Variants in IQSEC2 observed in about 807,000 individuals in gnomAD.
IQSEC2 encodes the protein IQ motif and Sec7 domain ArfGEF 2, also known as IQ motif and SEC7 domain-containing protein 2.
A neutral mutation model predicts 74.6 loss-of-function variants in IQSEC2; 6 were observed. That is an observed-to-expected ratio of 0.08 (90% CI 0.04 to 0.16). The LOEUF (loss-of-function observed/expected upper bound fraction) is 0.16. IQSEC2 is among the 10% of genes least tolerant of loss of function. The pLI is 1.00. For missense variants in IQSEC2, 734 were observed against 1,306.2 expected (o/e 0.56, Z 6.75); for synonymous variants, 494 against 544.5 (o/e 0.91, Z 1.29).
At chrX:53,303,693 C>G (rs2075233279) in intron 1 of IQSEC2, among the ~76,000 whole-genome samples, 1 of 108,779 alleles carries the variant, frequency 9.2e-6, no homozygotes, top group South Asian at 4.0e-4. Context: ...CCCAGCTATT[C>G]AGGAGGCTGA....
intron 12 of IQSEC2, 145 bp downstream of exon 12, chrX:53,238,000 G>T: frequency 1.5e-6 from 1 of 661,638 alleles, no homozygotes; most frequent in Non-Finnish European, 2.4e-6. Context: ...AGGTATTCAA[G>T]CAGAGGCTGA....
Position 53,313,537 on chromosome X carries a change from C to T in IQSEC2, c.707+6880G>A, listed in dbSNP as rs188997014. On this transcript the variant is annotated intron_variant, in intron 1 of 14. Coordinates refer to ENST00000642864, the MANE Select transcript of IQSEC2 (RefSeq NM_001111125.3). ...AACTGGCAAATTATGTTGCCCTAAA[C>T]GAGCTTCCCCAAAAGAGGAAGTAAG... 2.0e-4 allele frequency among the ~76,000 whole-genome samples: 22 copies of T among 111,683 alleles called. No individual in the cohort carries two copies. The East Asian group carries it at 5.6e-3, about 29-fold the overall frequency.
In IQSEC2 at chrX:53,234,094, T is replaced by C. The variant is rs781885204; in HGVS notation, c.*125A>G. 8.3e-5 allele frequency: 26 copies of C among 312,471 alleles called. No homozygotes were observed. Among genetic ancestry groups the C allele is most frequent in the Non-Finnish European group, 1.2e-4 (21 of 175,756 alleles). 25.8% of individuals were successfully genotyped at this position (312,471 alleles called of 1,213,427 possible). A position where few individuals can be genotyped will look rare whatever the true frequency, so the allele number is the denominator to read the frequency against. ...GACGGGTCCCAAGGCAGGGAGGACA[T>C]GGGGAGGAGGACATTGCTATGTGTA... On this transcript the variant is annotated 3_prime_UTR_variant, in exon 15 of 15. Coordinates refer to ENST00000642864, the MANE Select transcript of IQSEC2 (RefSeq NM_001111125.3).
At chrX:53,293,525 C>T (rs1171918777) in intron 1 of IQSEC2, among the ~76,000 whole-genome samples, 3 of 111,987 alleles carry the variant, frequency 2.7e-5, no homozygotes, top group African/African-American at 9.7e-5. Context: ...GAGGCCTGGC[C>T]CAATTATTCT....
At chrX:53,291,257 TC>T (rs1556872979) in intron 2 of IQSEC2, among the ~76,000 whole-genome samples, 1 of 111,369 alleles carries the variant, frequency 9.0e-6, no homozygotes, top group East Asian at 2.8e-4. Flanking sequence ...TACTCCTGCC[TC>T]CCCAACTGGC....
chrX:53,260,981 C>T (rs1162986724), intron 2 of IQSEC2, among the ~76,000 whole-genome samples: 1 of 111,223 alleles, frequency 9.0e-6, no homozygotes, highest in African/African-American at 3.3e-5. Context: ...CAATTCCTCC[C>T]TTGAGAGCTC....
chrX:53,303,358 T>A (rs1403352809), intron 1 of IQSEC2, among the ~76,000 whole-genome samples: 1 of 111,302 alleles, frequency 9.0e-6, no homozygotes, highest in African/African-American at 3.3e-5. Context: ...TGAGTGGAGC[T>A]GTAGCCTTAC....
chrX:53,241,239 G>T (rs1430412846), intron 10 of IQSEC2, among the ~76,000 whole-genome samples: 1 of 110,916 alleles, frequency 9.0e-6, no homozygotes, highest in African/African-American at 3.3e-5. Context: ...CCAAGTAGCT[G>T]GGACTACAGG....
chrX:53,259,645 A>T (rs1220113416), intron 2 of IQSEC2, among the ~76,000 whole-genome samples: 3 of 110,606 alleles, frequency 2.7e-5, no homozygotes, highest in Non-Finnish European at 5.7e-5. Context: ...TACAGAAAAT[A>T]AAAAATTAGC....
chrX:53,230,068 C>T (rs1203452010), downstream of IQSEC2: 2 of 112,743 alleles, frequency 1.8e-5, no homozygotes, highest in Non-Finnish European at 3.8e-5. Context: ...TACGGTGCCA[C>T]TAACACATTG....
chrX:53,266,314 A>G, intron 2 of IQSEC2: 1 of 721,357 alleles, frequency 1.4e-6, no homozygotes, highest in Non-Finnish European at 1.6e-6. Context: ...GGTGGAATAT[A>G]CATCAGACAG....
chrX:53,243,175 A>G (rs1556861265), intron 9 of IQSEC2, among the ~76,000 whole-genome samples, 157 bp downstream of exon 9: 1 of 112,062 alleles, frequency 8.9e-6, no homozygotes, highest in Non-Finnish European at 1.9e-5. Context: ...TGCTCGATGC[A>G]TTCACTCTGC....
intron 2 of IQSEC2, among the ~76,000 whole-genome samples, chrX:53,264,709 C>G (rs189189601): frequency 4.6e-5 from 5 of 109,251 alleles, no homozygotes; most frequent in Non-Finnish European, 7.6e-5. Flanking sequence ...TCTTGCACCT[C>G]TTCCTCCAGC....
intron 1 of IQSEC2, among the ~76,000 whole-genome samples, chrX:53,311,013 G>A (rs1157098908): frequency 9.7e-6 from 1 of 103,283 alleles, no homozygotes. Flanking sequence ...CCAGCTACTC[G>A]GGAGGCTGAG....
chrX:53,282,400 C>T (rs1556871050), intron 2 of IQSEC2, among the ~76,000 whole-genome samples: 2 of 112,648 alleles, frequency 1.8e-5, no homozygotes, highest in Non-Finnish European at 3.8e-5. Flanking sequence ...TCCACATGGG[C>T]GGGACTGGAG....
chrX:53,250,676 G>T lies in IQSEC2; in HGVS notation c.1900C>A (p.His634Asn). 8.3e-7 allele frequency: 1 copy of T among 1,210,934 alleles called. No individual in the cohort carries two copies. Among genetic ancestry groups the T allele is most frequent in the South Asian group, 1.8e-5 (1 of 57,002 alleles). ...DGCSPHGTLK[H>N]KGPPGRAPIP... The stretch of plus-strand genomic sequence containing the variant: ...GGGGCCCTGCCTGGTGGCCCCTTGT[G>T]CTTCAGGGTCCCATGGGGGCTGCAG... Residue 634 changes from histidine (H) to asparagine (N), a missense_variant, in exon 5 of 15, where the codon CAC becomes AAC. His to Asn is a moderately conservative substitution (Grantham distance 68). Transcript: ENST00000642864.
At chrX:53,248,903 G>A (rs781963551) in intron 5 of IQSEC2, 21 bp from the exon 6 acceptor site, 1 of 1,199,074 alleles carries the variant, frequency 8.3e-7, no homozygotes, top group Admixed American at 2.2e-5. Flanking sequence ...AGGAGAGGTA[G>A]ATGAGATGAC....
chrX:53,311,547 C>G (rs1281323243), intron 1 of IQSEC2, among the ~76,000 whole-genome samples: 2 of 111,395 alleles, frequency 1.8e-5, no homozygotes, highest in African/African-American at 6.5e-5. Flanking sequence ...CCAAACTGCC[C>G]TCTAGGGGGA....
downstream of IQSEC2, among the ~76,000 whole-genome samples, chrX:53,228,645 A>G (rs782559210): frequency 5.0e-4 from 56 of 111,692 alleles, no homozygotes; most frequent in African/African-American, 1.8e-3. Context: ...GTAAAATATG[A>G]TCTCTTCCAG....
Sources: allele counts gnomAD v4.1 joint callset (sites outside exome capture counted in the v4.1 genomes callset), GRCh38; gene constraint gnomAD v4.1.1; transcripts MANE v1.5; gene names NCBI Gene and HGNC (gene_info 2026-07-23, HGNC 2026-07-21).